Variants in ZNF469 observed in about 807,000 individuals in gnomAD.
ZNF469 encodes zinc finger protein 469.
Under a neutral mutation model 1.0 loss-of-function variants are expected in ZNF469, and 1 was observed. That is an observed-to-expected ratio of 1.00 (90% CI 0.35 to 4.73). ZNF469 has a LOEUF of 4.73. Ranked by LOEUF, ZNF469 falls within the 30% of genes most tolerant of loss-of-function variation. The probability of loss-of-function intolerance (pLI) is 0.16; values close to 1 mark genes in which losing one functional copy is unlikely to be tolerated. For synonymous variants in ZNF469, 2,703 were observed against 2,363.4 expected, an observed-to-expected ratio of 1.14 and a Z score of -4.17; for missense variants, 6,100 against 5,356.3, an observed-to-expected ratio of 1.14 and a Z score of -4.33.
chr16:88,438,324 C>A lies in ZNF469; in HGVS notation c.10854C>A (p.Leu3618=). The change falls in exon 3 of 3, where the codon CTC becomes CTA. Residue 3618 remains leucine, a synonymous_variant. Coordinates refer to ENST00000565624, the MANE Select transcript of ZNF469 (RefSeq NM_001367624.2). The part of the protein sequence containing the change: ...GQDAEGKRAP[L]VFSGKRRAPG... Reference sequence around the variant, plus strand: ...ATGCGGAGGGAAAGAGGGCTCCTCTCGTGTTCTCAGGGAAACGCAGGGCCC... The same window carrying A: ...ATGCGGAGGGAAAGAGGGCTCCTCTAGTGTTCTCAGGGAAACGCAGGGCCC... 2 of 1,550,190 alleles carry A rather than the reference C, an allele frequency of 1.3e-6. No homozygotes were observed. The highest frequency in any genetic ancestry group is 8.7e-7 in the Non-Finnish European group (1 of 1,146,914).
chr16:88,439,358 G>C lies in ZNF469; in HGVS notation c.*26G>C. 6.5e-7 allele frequency: 1 copy of C among 1,549,772 alleles called. No individual in the cohort carries two copies. The highest frequency in any genetic ancestry group is 8.7e-7 in the Non-Finnish European group (1 of 1,146,784). ...TTTCTAGGAGCAAGAGCCTGGGACC[G>C]GAGCTGGGCGTTCCTGTCTCGGCCT... On this transcript the variant is annotated 3_prime_UTR_variant, in exon 3 of 3. Coordinates refer to ENST00000565624, the MANE Select transcript of ZNF469 (RefSeq NM_001367624.2).
At chr16:88,117,784 C>T in the ZNF469 span, among the ~76,000 whole-genome samples, 1 of 152,188 alleles carries the variant, frequency 6.6e-6, no homozygotes, top group African/African-American at 2.4e-5. Context: ...GTGCAAGTGA[C>T]CTGGGAGGTG....
rs1406908119 is a variant in ZNF469 at position 88,431,645 on chromosome 16, G to A, written c.4175G>A (p.Gly1392Asp). 3.9e-6 allele frequency: 6 copies of A among 1,550,328 alleles called. No homozygotes were observed. Among genetic ancestry groups the A allele is most frequent in the Non-Finnish European group, 5.2e-6 (6 of 1,146,996 alleles). ...TTCCTCGGACCCAAAGACCTGGCTG[G>A]CTGTTTCCTGGAAGAACTGCACCCC... ...ELFLGPKDLAGCFLEELHPKP... is the reference protein window; with the variant it reads ...ELFLGPKDLADCFLEELHPKP... Residue 1392 changes from glycine to aspartate, a missense_variant, in exon 3 of 3, where the codon GGC (glycine) becomes GAC (aspartate). By Grantham distance (94) the Gly-to-Asp change is moderately conservative. Coordinates refer to ENST00000565624, the MANE Select transcript of ZNF469 (RefSeq NM_001367624.2).
the ZNF469 span, among the ~76,000 whole-genome samples, chr16:88,327,728 G>A: frequency 6.6e-6 from 1 of 152,128 alleles, no homozygotes; most frequent in Non-Finnish European, 1.5e-5. Context: ...CACTGACAGG[G>A]CAGCCTGGGC....
rs116416888 is a variant in ZNF469 at position 88,421,926 on chromosome 16, C to T, written c.-191-2881C>T. On this transcript the variant is annotated intron_variant, in intron 1 of 2. Coordinates refer to ENST00000565624, the MANE Select transcript of ZNF469 (RefSeq NM_001367624.2). ...ACATCACTGTGTGCCCAGTGCCTGA[C>T]ACAGCATCCAACACAAATGTAAAGA... Among the ~76,000 whole-genome samples, 1,437 of 152,306 alleles carry T rather than the reference C, an allele frequency of 9.4e-3. 19 individuals carry two copies. Among genetic ancestry groups the T allele is most frequent in the African/African-American group, 0.032 (1,333 of 41,554 alleles).
the ZNF469 span, among the ~76,000 whole-genome samples, chr16:88,350,491 C>T: frequency 3.9e-5 from 6 of 152,374 alleles, no homozygotes; most frequent in East Asian, 1.9e-4. Flanking sequence ...CCAGGCAGGT[C>T]GCCTCCCTCT....
the ZNF469 span, among the ~76,000 whole-genome samples, chr16:88,121,668 A>G: frequency 6.6e-6 from 1 of 152,182 alleles, no homozygotes; most frequent in Non-Finnish European, 1.5e-5. Context: ...AAGGAATCAT[A>G]TATCATTTTG....
the ZNF469 span, among the ~76,000 whole-genome samples, chr16:88,270,593 AC>A: frequency 6.6e-6 from 1 of 152,064 alleles, no homozygotes; most frequent in Non-Finnish European, 1.5e-5. Flanking sequence ...AGCATACAAA[AC>A]CAAAGGCTTT....
the ZNF469 span, among the ~76,000 whole-genome samples, chr16:88,221,604 T>C: frequency 6.6e-6 from 1 of 152,242 alleles, no homozygotes; most frequent in South Asian, 2.1e-4. Context: ...GCTATGTCTC[T>C]TGCATGTGCC....
At chr16:88,193,163 TG>T in the ZNF469 span, among the ~76,000 whole-genome samples, 1 of 12,964 alleles carries the variant, frequency 7.7e-5, no homozygotes, top group Non-Finnish European at 1.6e-4. Context: ...ATGGTGGTGA[TG>T]GTGGTGGGGA....
the ZNF469 span, among the ~76,000 whole-genome samples, chr16:88,131,670 C>T: frequency 1.3e-5 from 2 of 152,224 alleles, no homozygotes; most frequent in Admixed American, 6.5e-5. Flanking sequence ...CTGGACCCCA[C>T]GTGCCAGTGC....
At chr16:88,286,269 C>G in the ZNF469 span, among the ~76,000 whole-genome samples, 1 of 152,252 alleles carries the variant, frequency 6.6e-6, no homozygotes, top group Non-Finnish European at 1.5e-5. Flanking sequence ...GCTCCTGGGC[C>G]TCAGCGGCAG....
At chr16:88,406,438 C>T (rs1215216638) in intron 1 of ZNF469, among the ~76,000 whole-genome samples, 1 of 152,270 alleles carries the variant, frequency 6.6e-6, no homozygotes, top group African/African-American at 2.4e-5. Context: ...CCTTCCTGTC[C>T]TCCTCCCTGC....
At chr16:88,329,234 C>G in the ZNF469 span, among the ~76,000 whole-genome samples, 1 of 152,158 alleles carries the variant, frequency 6.6e-6, no homozygotes, top group Non-Finnish European at 1.5e-5. Context: ...GAAGGGGCTC[C>G]AGGGAGGGAG....
At chr16:88,399,730 T>G (rs1043094358) in intron 1 of ZNF469, among the ~76,000 whole-genome samples, 2 of 152,244 alleles carry the variant, frequency 1.3e-5, no homozygotes, top group African/African-American at 2.4e-5. Flanking sequence ...TCCTGCAGCC[T>G]GAACCAGCTG....
chr16:88,348,830 C>T, the ZNF469 span, among the ~76,000 whole-genome samples: 1 of 152,100 alleles, frequency 6.6e-6, no homozygotes, highest in African/African-American at 2.4e-5. Flanking sequence ...CTGGGGCTGT[C>T]GGGGGAATGG....
chr16:88,179,448 C>T, the ZNF469 span, among the ~76,000 whole-genome samples: 3 of 152,368 alleles, frequency 2.0e-5, no homozygotes, highest in East Asian at 1.9e-4. Context: ...CCACCAGAAG[C>T]AGATTCTGTT....
At chr16:88,372,061 ACCATCATCACCATCACCAC>A in the ZNF469 span, among the ~76,000 whole-genome samples, 1 of 9,060 alleles carries the variant, frequency 1.1e-4, no homozygotes, top group African/African-American at 3.5e-4. Flanking sequence ...CATGATTACC[ACCATCATCACCATCACCAC>A]CATCATCACC....
At chr16:88,321,053 C>G in the ZNF469 span, among the ~76,000 whole-genome samples, 1 of 152,242 alleles carries the variant, frequency 6.6e-6, no homozygotes, top group Non-Finnish European at 1.5e-5. Flanking sequence ...AGGGTGGGGA[C>G]GTGAGGGCCT....
Sources: gnomAD v4.1 joint callset for allele counts (sites outside exome capture counted in the v4.1 genomes callset) on GRCh38, gnomAD v4.1.1 for gene constraint, MANE v1.5 for transcripts, NCBI Gene and HGNC (gene_info 2026-07-23, HGNC 2026-07-21) for gene names.